The following ROBO2 variants were observed in gnomAD, a reference collection of about 807,000 sequenced individuals.
ROBO2 encodes the protein roundabout guidance receptor 2.
ROBO2 carries 53 observed loss-of-function variants against 160.8 expected under a neutral mutation model. The observed-to-expected ratio is 0.33, with a 90% CI of 0.26 to 0.41. ROBO2 has a LOEUF of 0.41. ROBO2 is among the 10% of genes least tolerant of loss of function. The pLI, the probability that ROBO2 is intolerant of heterozygous loss-of-function variation, is 1.00. For missense variants in ROBO2, 1,577 were observed against 1,722.4 expected (o/e 0.92, Z 1.49); for synonymous variants, 664 against 611.7 (o/e 1.09, Z -1.26).
At chr3:77,101,958 C>A (rs1023473284) in intron 2 of ROBO2, among the ~76,000 whole-genome samples, 3 of 152,056 alleles carry the variant, frequency 2.0e-5, no homozygotes, top group Admixed American at 1.3e-4. Flanking sequence ...GAGAATCACT[C>A]GAACCCAGGA....
At chr3:76,851,195 G>A (rs968829520) in intron 2 of ROBO2, among the ~76,000 whole-genome samples, 20 of 152,128 alleles carry the variant, frequency 1.3e-4, no homozygotes, top group Non-Finnish European at 2.5e-4. Context: ...AACTAGCCCC[G>A]TGTAGCTAAC....
chr3:75,980,916 T>TTAAC lies in ROBO2; in HGVS notation c.109+43314_109+43315insTAAC, dbSNP rs10634351. Among the ~76,000 whole-genome samples the TTAAC allele has an allele frequency of 2.6e-5, 4 of 151,148 alleles. No individual in the cohort carries two copies. The South Asian group carries it at 6.2e-4, about 24-fold the overall frequency. On this transcript the variant is annotated intron_variant, in intron 2 of 26. Coordinates refer to the ROBO2 transcript ENST00000487694. Reference sequence around the variant, plus strand: ...AGATACACATTGATGTTAAAATAAATATTTACACTTCTATGTAGAAAATAT... The same window carrying TTAAC: ...AGATACACATTGATGTTAAAATAAATTAACATTTACACTTCTATGTAGAAAATAT...
At chr3:76,989,341 T>C (rs2060545837) in intron 2 of ROBO2, among the ~76,000 whole-genome samples, 1 of 152,134 alleles carries the variant, frequency 6.6e-6, no homozygotes, top group African/African-American at 2.4e-5. Flanking sequence ...AGACAAGGAA[T>C]ACATTTTGAA....
chr3:77,012,446 C>T (rs1371238529), intron 2 of ROBO2, among the ~76,000 whole-genome samples: 5 of 152,144 alleles, frequency 3.3e-5, no homozygotes, highest in African/African-American at 1.2e-4. Flanking sequence ...TTCAATGACA[C>T]CATCAAACCA....
chr3:77,371,416 A>G (rs954965908), intron 2 of ROBO2, among the ~76,000 whole-genome samples: 18 of 152,056 alleles, frequency 1.2e-4, no homozygotes, highest in Admixed American at 3.9e-4. Context: ...TTACATCTCT[A>G]TCTACACTAG....
At chr3:76,851,457 C>T (rs2069336706) in intron 2 of ROBO2, among the ~76,000 whole-genome samples, 1 of 152,008 alleles carries the variant, frequency 6.6e-6, no homozygotes, top group Non-Finnish European at 1.5e-5. Context: ...AACATGTGGC[C>T]GGGCGCGGTG....
intron 2 of ROBO2, among the ~76,000 whole-genome samples, chr3:76,132,613 AT>A (rs1354699505): frequency 1.3e-5 from 2 of 152,008 alleles, no homozygotes; most frequent in African/African-American, 4.8e-5. Flanking sequence ...ATTCTCTATT[AT>A]TATGCAGTAA....
chr3:76,446,911 A>T (rs2077211928), intron 2 of ROBO2, among the ~76,000 whole-genome samples: 1 of 152,232 alleles, frequency 6.6e-6, no homozygotes, highest in Non-Finnish European at 1.5e-5. Flanking sequence ...TAAAGACTTA[A>T]ATATTAGATC....
Position 76,185,215 on chromosome 3 carries a change from T to TATATATAGATATATAGATATATATATAC in ROBO2, c.109+247614_109+247615insTATATAGATATATAGATATATATATACA. Among the ~76,000 whole-genome samples, 56 of 90,290 alleles carry TATATATAGATATATAGATATATATATAC rather than the reference T, an allele frequency of 6.2e-4. 2 individuals carry two copies. Among genetic ancestry groups the TATATATAGATATATAGATATATATATAC allele is most frequent in the African/African-American group, 2.0e-3 (52 of 26,428 alleles). 59.2% of individuals were successfully genotyped at this position (90,290 alleles called of 152,430 possible). A position where few individuals can be genotyped will look rare whatever the true frequency, so the allele number is the denominator to read the frequency against. The stretch of plus-strand genomic sequence containing the variant: ...ACACAGATATATATATATATATATA[T>TATATATAGATATATAGATATATATATAC]ACACACACAAAGATGTTATATATAC... On this transcript the variant is annotated intron_variant, in intron 2 of 26. Transcript: ENST00000487694.
chr3:76,728,218 C>G (rs1032613692), intron 2 of ROBO2, among the ~76,000 whole-genome samples: 1 of 152,106 alleles, frequency 6.6e-6, no homozygotes, highest in Non-Finnish European at 1.5e-5. Flanking sequence ...CATATTCATT[C>G]TGTGTGTGTA....
chr3:77,119,440 A>G lies in ROBO2; in HGVS notation c.388+21100A>G, dbSNP rs969589909. Among the ~76,000 whole-genome samples the G allele has an allele frequency of 3.3e-5, 5 of 152,340 alleles. No individual in the cohort carries two copies. In the South Asian group the frequency reaches 8.3e-4, roughly 25 times the overall value. On this transcript the variant is annotated intron_variant, in intron 2 of 25. Transcript: ENST00000461745. The stretch of plus-strand genomic sequence containing the variant: ...ACATCATTACATGGTGTATGACTGT[A>G]TATTATTTTAGCATAAAGATTACAT...
chr3:76,961,266 A>C (rs534632966), intron 2 of ROBO2, among the ~76,000 whole-genome samples: 15 of 151,904 alleles, frequency 9.9e-5, no homozygotes, highest in Middle Eastern at 3.4e-3. Context: ...AAAAAAAAAA[A>C]AACACTAGTT....
chr3:76,341,043 G>C (rs2108165823), intron 2 of ROBO2, among the ~76,000 whole-genome samples: 1 of 152,124 alleles, frequency 6.6e-6, no homozygotes, highest in Non-Finnish European at 1.5e-5. Flanking sequence ...AGCTGGTACA[G>C]CTATATTTTC....
At chr3:76,897,663 C>G (rs113745836) in intron 2 of ROBO2, among the ~76,000 whole-genome samples, 1 of 151,194 alleles carries the variant, frequency 6.6e-6, no homozygotes, top group African/African-American at 2.4e-5. Context: ...AATGTATGTT[C>G]TGTTTACTTT....
At chr3:76,533,422 C>A (rs2082330248) in intron 2 of ROBO2, among the ~76,000 whole-genome samples, 1 of 152,162 alleles carries the variant, frequency 6.6e-6, no homozygotes, top group African/African-American at 2.4e-5. Context: ...GAAACTGCAA[C>A]AGTTATTTAA....
chr3:77,537,324 A>G (rs2092184976), intron 6 of ROBO2, among the ~76,000 whole-genome samples: 2 of 152,284 alleles, frequency 1.3e-5, no homozygotes, highest in South Asian at 4.1e-4. Flanking sequence ...TCCAAAATTA[A>G]TCTCACCATC....
At chr3:76,500,837 C>T (rs1189328773) in intron 2 of ROBO2, among the ~76,000 whole-genome samples, 1 of 152,118 alleles carries the variant, frequency 6.6e-6, no homozygotes, top group Non-Finnish European at 1.5e-5. Context: ...AGAATAAAAA[C>T]AGTATCATTT....
At chr3:77,271,304 A>G (rs780313046) in intron 2 of ROBO2, among the ~76,000 whole-genome samples, 4 of 152,218 alleles carry the variant, frequency 2.6e-5, no homozygotes, top group African/African-American at 4.8e-5. Flanking sequence ...TAAAATTCCT[A>G]TATTTGGAGG....
chr3:76,992,716 C>T (rs2060757349), intron 2 of ROBO2, among the ~76,000 whole-genome samples: 1 of 152,086 alleles, frequency 6.6e-6, no homozygotes, highest in South Asian at 2.1e-4. Flanking sequence ...CCATAGGTAG[C>T]ATCTGAGTCA....
Sources: gnomAD v4.1 joint callset for allele counts (sites outside exome capture counted in the v4.1 genomes callset) on GRCh38, gnomAD v4.1.1 for gene constraint, MANE v1.5 for transcripts, NCBI Gene and HGNC (gene_info 2026-07-23, HGNC 2026-07-21) for gene names.